TENM2: variants seen among roughly 807,000 people sequenced by gnomAD.
TENM2 encodes teneurin-2.
In TENM2, 52 loss-of-function variants were observed where a neutral mutation model predicts 245.2. The ratio of observed to expected loss-of-function variants is 0.21; its 90% CI spans 0.17 to 0.27. TENM2 has a LOEUF of 0.27. TENM2 is among the 10% of genes least tolerant of loss of function. The pLI, the probability that TENM2 is intolerant of heterozygous loss-of-function variation, is 1.00. For synonymous variants in TENM2, 1,363 were observed against 1,438.9 expected, an observed-to-expected ratio of 0.95 and a Z score of 1.19; for missense variants, 3,046 against 3,666.8, an observed-to-expected ratio of 0.83 and a Z score of 4.37.
the TENM2 span, among the ~76,000 whole-genome samples, chr5:167,124,294 A>G: frequency 6.6e-6 from 1 of 152,230 alleles, no homozygotes; most frequent in Admixed American, 6.5e-5. Flanking sequence ...TCAATGTATT[A>G]TTCCTGGTCC....
Position 167,569,078 on chromosome 5 carries a change from C to CTTT in TENM2, c.502+193633_502+193635dup, listed in dbSNP as rs34311803. Among the ~76,000 whole-genome samples, 422 of 48,980 alleles carry CTTT rather than the reference C, an allele frequency of 8.6e-3. 29 individuals carry two copies. The highest frequency in any genetic ancestry group is 0.016 in the African/African-American group (168 of 10,792). The allele number at this position is 48,980 out of a possible 152,430, so 32.1% of individuals were successfully genotyped here. On this transcript the variant is annotated intron_variant, in intron 2 of 28. Coordinates refer to ENST00000518659, the Ensembl canonical transcript of TENM2. ...ATCAATGAGTATCACCTTCCTACAG[C>CTTT]TTTTTTTTTTTTTTTTTTTTTTTTT...
chr5:167,685,484 G>A (rs990572004), intron 2 of TENM2, among the ~76,000 whole-genome samples: 3 of 151,882 alleles, frequency 2.0e-5, no homozygotes, highest in East Asian at 1.9e-4. Flanking sequence ...AAGAATCCCC[G>A]ATGTGATCTT....
intron 2 of TENM2, among the ~76,000 whole-genome samples, chr5:167,776,793 T>C (rs1157970761): frequency 6.6e-6 from 1 of 151,944 alleles, no homozygotes; most frequent in African/African-American, 2.4e-5. Context: ...ATTTCGGTTC[T>C]TTAAAATAGA....
intron 1 of TENM2, among the ~76,000 whole-genome samples, chr5:167,289,342 C>T (rs972439556): frequency 1.3e-5 from 2 of 152,174 alleles, no homozygotes; most frequent in Admixed American, 1.3e-4. Context: ...GTTCAGCCAG[C>T]CCTCTTATTC....
the TENM2 span, among the ~76,000 whole-genome samples, chr5:166,995,618 C>A: frequency 2.6e-5 from 4 of 151,642 alleles, no homozygotes; most frequent in South Asian, 8.3e-4. Flanking sequence ...GAGTTCAAGA[C>A]CAGCCTGGCC....
the TENM2 span, chr5:167,116,471 C>T: frequency 1.8e-4 from 27 of 152,156 alleles, no homozygotes; most frequent in African/African-American, 6.5e-4. Flanking sequence ...AATGTTGCAC[C>T]CTGCAGTGGA....
chr5:168,045,716 T>A (rs994421995), intron 5 of TENM2, among the ~76,000 whole-genome samples: 1 of 152,214 alleles, frequency 6.6e-6, no homozygotes, highest in African/African-American at 2.4e-5. Flanking sequence ...AATAGTATCA[T>A]TTTTTTAAAA....
chr5:168,259,550 C>T lies in TENM2; in HGVS notation c.7433-733C>T, dbSNP rs139830823. On this transcript the variant is annotated intron_variant, in intron 27 of 28. Transcript: ENST00000518659. ...TTGCAGTGAGCTGAGATTGCGCCAC[C>T]GCACTCCAGCCTGGGCAACAGAGCA... Among the ~76,000 whole-genome samples, 1,410 of 151,942 alleles carry T rather than the reference C, an allele frequency of 9.3e-3. 22 individuals are homozygous for T. Among genetic ancestry groups the T allele is most frequent in the African/African-American group, 0.032 (1,343 of 41,434 alleles).
intron 2 of TENM2, among the ~76,000 whole-genome samples, chr5:167,551,522 A>G (rs564271077): frequency 2.0e-5 from 3 of 152,316 alleles, no homozygotes; most frequent in Admixed American, 2.0e-4. Context: ...GAGCAAATCC[A>G]TAACAAAATA....
intron 2 of TENM2, among the ~76,000 whole-genome samples, chr5:167,726,929 T>G (rs1248987658): frequency 3.3e-5 from 5 of 152,126 alleles, no homozygotes; most frequent in Non-Finnish European, 5.9e-5. Flanking sequence ...CTATTGTTAG[T>G]AATTAATTGA....
intron 2 of TENM2, among the ~76,000 whole-genome samples, chr5:167,493,663 A>G (rs886617608): frequency 1.3e-5 from 2 of 152,152 alleles, no homozygotes; most frequent in African/African-American, 4.8e-5. Context: ...ATCTTAGTTC[A>G]TAAGAATTTA....
intron 2 of TENM2, among the ~76,000 whole-genome samples, chr5:167,601,706 T>C (rs1221708838): frequency 2.0e-5 from 3 of 152,216 alleles, no homozygotes; most frequent in African/African-American, 7.2e-5. Context: ...AATTTCTTAT[T>C]CGTTATTGTT....
At chr5:167,938,657 T>G (rs1214845794) in intron 3 of TENM2, 1 of 152,104 alleles carries the variant, frequency 6.6e-6, no homozygotes, top group African/African-American at 2.4e-5. Flanking sequence ...TGTGAACAAA[T>G]GAAGACGTGA....
intron 2 of TENM2, among the ~76,000 whole-genome samples, chr5:167,426,474 C>T (rs1459847826): frequency 7.1e-6 from 1 of 140,630 alleles, no homozygotes; most frequent in East Asian, 2.0e-4. Flanking sequence ...TTAATTCTTA[C>T]AGGGGTGGGA....
the TENM2 span, among the ~76,000 whole-genome samples, chr5:167,006,026 A>G: frequency 1.3e-5 from 2 of 152,078 alleles, no homozygotes; most frequent in African/African-American, 4.8e-5. Context: ...GAGGTAGGAC[A>G]TGGTAGGAGA....
chr5:167,278,508 G>GTTTTAT, the TENM2 span, among the ~76,000 whole-genome samples: 2 of 151,864 alleles, frequency 1.3e-5, no homozygotes, highest in Non-Finnish European at 2.9e-5. Flanking sequence ...TCGTATCTCT[G>GTTTTAT]TTTTATTTTT....
At chr5:167,730,178 G>C (rs1004747894) in intron 2 of TENM2, among the ~76,000 whole-genome samples, 3 of 152,138 alleles carry the variant, frequency 2.0e-5, no homozygotes, top group African/African-American at 7.2e-5. Flanking sequence ...TCTCATTGGA[G>C]CATACTACAG....
intron 2 of TENM2, among the ~76,000 whole-genome samples, chr5:167,679,704 C>T (rs1756571217): frequency 6.6e-6 from 1 of 152,096 alleles, no homozygotes; most frequent in Non-Finnish European, 1.5e-5. Context: ...GCATTATAAG[C>T]AGTGTAGATT....
chr5:167,278,464 A>C, the TENM2 span, among the ~76,000 whole-genome samples: 1 of 152,034 alleles, frequency 6.6e-6, no homozygotes, highest in Non-Finnish European at 1.5e-5. Flanking sequence ...TTTTATTTTT[A>C]ATTTTCTTTT....
Sources: gnomAD v4.1 joint callset for allele counts (sites outside exome capture counted in the v4.1 genomes callset) on GRCh38, gnomAD v4.1.1 for gene constraint, MANE v1.5 for transcripts, NCBI Gene and HGNC (gene_info 2026-07-23, HGNC 2026-07-21) for gene names.